Variants in SLC9C1 observed in about 807,000 individuals in gnomAD.
SLC9C1 encodes sodium/hydrogen exchanger 10.
SLC9C1 carries 97 observed loss-of-function variants against 140.9 expected under a neutral mutation model. The observed-to-expected ratio is 0.69, with a 90% CI of 0.58 to 0.82. The LOEUF is 0.82. Among genes scored for constraint, SLC9C1 ranks in the 40% least tolerant of loss-of-function variants. SLC9C1 has a pLI of 0.00. For missense variants in SLC9C1, 1,340 were observed against 1,389.3 expected, an observed-to-expected ratio of 0.96 and a Z score of 0.56; for synonymous variants, 440 against 442.6, an observed-to-expected ratio of 0.99 and a Z score of 0.07.
At chr3:112,198,927 A>C (rs527701439) in intron 20 of SLC9C1, among the ~76,000 whole-genome samples, 1 of 151,990 alleles carries the variant, frequency 6.6e-6, no homozygotes, top group East Asian at 1.9e-4. Flanking sequence ...GTAACTTAGG[A>C]AAAGGAAATA....
chr3:112,150,826 A>G (rs781378662), intron 28 of SLC9C1, among the ~76,000 whole-genome samples: 13,871 of 39,528 alleles, frequency 0.35, 1,118 homozygotes, highest in South Asian at 0.39. Context: ...ATATACATAT[A>G]TATATATATA....
chr3:112,259,863 C>T (rs888837011), intron 10 of SLC9C1, among the ~76,000 whole-genome samples: 6 of 152,090 alleles, frequency 3.9e-5, no homozygotes, highest in African/African-American at 1.4e-4. Flanking sequence ...ATGTTGTTAC[C>T]TACAGACTTT....
At chr3:112,267,288 G>C (rs2079944716) in intron 7 of SLC9C1, among the ~76,000 whole-genome samples, 1 of 151,698 alleles carries the variant, frequency 6.6e-6, no homozygotes, top group Non-Finnish European at 1.5e-5. Context: ...TTCTAAGAGA[G>C]AGACAGGGCC....
intron 16 of SLC9C1, among the ~76,000 whole-genome samples, chr3:112,204,667 AAGT>A (rs2077996983): frequency 6.6e-6 from 1 of 152,124 alleles, no homozygotes; most frequent in East Asian, 1.9e-4. Flanking sequence ...CACCAGTAAA[AAGT>A]AGCGACAATG....
At chr3:112,156,336 TG>T (rs1487629365) in intron 26 of SLC9C1, among the ~76,000 whole-genome samples, 3 of 152,116 alleles carry the variant, frequency 2.0e-5, no homozygotes, top group African/African-American at 7.2e-5. Flanking sequence ...AGAATTTTAT[TG>T]TTTTTTTAAT....
Position 112,163,763 on chromosome 3 carries a change from A to T in SLC9C1, c.3364+3458T>A, listed in dbSNP as rs1208189073. On this transcript the variant is annotated intron_variant, in intron 26 of 28. Transcript: ENST00000305815. ...TGTATATTCTGTTGATTTGGGGTGGAGAGTTCTGTAGATGTCTATTAGGTC... is the reference window on the plus strand; with the variant it reads ...TGTATATTCTGTTGATTTGGGGTGGTGAGTTCTGTAGATGTCTATTAGGTC... Among the ~76,000 whole-genome samples the T allele has an allele frequency of 2.0e-5, 3 of 152,072 alleles. No individual in the cohort carries two copies. In the East Asian group the frequency reaches 5.8e-4, roughly 29 times the overall value.
chr3:112,142,904 A>G (rs2074674601), intron 28 of SLC9C1, among the ~76,000 whole-genome samples: 1 of 152,164 alleles, frequency 6.6e-6, no homozygotes, highest in South Asian at 2.1e-4. Flanking sequence ...CTCTGTAGAA[A>G]TCCCCAGGGT....
chr3:112,196,702 A>G (rs1401156822), intron 20 of SLC9C1, among the ~76,000 whole-genome samples: 1 of 151,780 alleles, frequency 6.6e-6, no homozygotes, highest in African/African-American at 2.4e-5. Flanking sequence ...TATTGTACTT[A>G]ATTGTACTTT....
intron 10 of SLC9C1, among the ~76,000 whole-genome samples, chr3:112,249,432 T>G (rs951304009): frequency 6.6e-6 from 1 of 152,032 alleles, no homozygotes; most frequent in Non-Finnish European, 1.5e-5. Context: ...GTGTCTCTGC[T>G]AGCTCTGCCA....
intron 12 of SLC9C1, 134 bp from the exon 13 acceptor site, chr3:112,231,620 G>C: frequency 1.2e-6 from 1 of 810,764 alleles, no homozygotes; most frequent in Non-Finnish European, 1.9e-6. Flanking sequence ...AAAATGTTCA[G>C]ATCCTCATCA....
At chr3:112,248,439 A>G (rs1485737398) in intron 10 of SLC9C1, among the ~76,000 whole-genome samples, 2 of 152,204 alleles carry the variant, frequency 1.3e-5, no homozygotes, top group Admixed American at 1.3e-4. Context: ...ATAGCCATAG[A>G]TAATGATAAC....
At position 112,179,610 on chromosome 3, in the gene SLC9C1, C is replaced by T. The variant is rs2077401385; in HGVS notation, c.2840G>A (p.Ser947Asn). The stretch of plus-strand genomic sequence containing the variant: ...GTTTATCTCTCCTATTATTTCTCCA[C>T]TGAGCATATAGTCTGTGTCAATTAT... ...FPIIDTDYML[S>N]GEIIGEINCL... Residue 947 changes from serine (S) to asparagine (N), a missense_variant, in exon 23 of 29, where the codon AGT (serine) becomes AAT (asparagine). Transcript: ENST00000305815. The T allele has an allele frequency of 6.2e-7, 1 of 1,612,208 alleles. No homozygotes were observed. The highest frequency in any genetic ancestry group is 2.2e-5 in the East Asian group (1 of 44,782).
At chr3:112,147,811 C>T (rs753193677) in intron 28 of SLC9C1, among the ~76,000 whole-genome samples, 1 of 152,136 alleles carries the variant, frequency 6.6e-6, no homozygotes, top group Non-Finnish European at 1.5e-5. Context: ...ATGTCTACAT[C>T]TCTAGCAAGA....
At chr3:112,276,987 T>C (rs945827661) in intron 5 of SLC9C1, among the ~76,000 whole-genome samples, 5 of 152,166 alleles carry the variant, frequency 3.3e-5, no homozygotes, top group African/African-American at 1.2e-4. Context: ...GAAATTAAAA[T>C]TGAAAAGAGT....
chr3:112,186,220 T>C (rs954786568), intron 20 of SLC9C1, among the ~76,000 whole-genome samples: 1 of 150,216 alleles, frequency 6.7e-6, no homozygotes, highest in African/African-American at 2.5e-5. Flanking sequence ...AGAAAAATTC[T>C]TAATTTTAAT....
Position 112,286,839 on chromosome 3 carries a change from A to G in SLC9C1, c.-48T>C, listed in dbSNP as rs2080522737. The G allele has an allele frequency of 1.5e-6, 2 of 1,315,528 alleles. No individual in the cohort carries two copies. The highest frequency in any genetic ancestry group is 2.2e-6 in the Non-Finnish European group (2 of 927,250). The allele number at this position is 1,315,528 out of a possible 1,614,324, so 81.5% of individuals were successfully genotyped here. ...GATTTATGTTAGAAGCAATCTCCAT[A>G]TGATCATCCATCTTGTTGTTTTTCA... On this transcript the variant is annotated 5_prime_UTR_variant, in exon 2 of 29. Transcript: ENST00000305815.
intron 10 of SLC9C1, among the ~76,000 whole-genome samples, chr3:112,260,159 T>C (rs2079732533): frequency 6.6e-6 from 1 of 152,186 alleles, no homozygotes; most frequent in African/African-American, 2.4e-5. Flanking sequence ...CAGTTTTTGC[T>C]TCATATATTT....
intron 10 of SLC9C1, among the ~76,000 whole-genome samples, chr3:112,251,490 A>C (rs147890395): frequency 2.0e-5 from 3 of 152,266 alleles, no homozygotes; most frequent in Non-Finnish European, 4.4e-5. Context: ...TTCCCAGCAA[A>C]AGTGGCTGCA....
intron 12 of SLC9C1, among the ~76,000 whole-genome samples, chr3:112,237,553 G>A (rs951240402): frequency 5.9e-5 from 9 of 152,114 alleles, no homozygotes; most frequent in African/African-American, 1.9e-4. Flanking sequence ...TCCTAGCATC[G>A]ATGGTCTTTA....
Sources: allele counts gnomAD v4.1 joint callset (sites outside exome capture counted in the v4.1 genomes callset), GRCh38; gene constraint gnomAD v4.1.1; transcripts MANE v1.5; gene names NCBI Gene and HGNC (gene_info 2026-07-23, HGNC 2026-07-21).